GPC6: variants seen among roughly 807,000 people sequenced by gnomAD.
GPC6 encodes the protein glypican-6.
A neutral mutation model predicts 55.2 loss-of-function variants in GPC6; 14 were observed. The ratio of observed to expected loss-of-function variants is 0.25; its 90% CI spans 0.17 to 0.40. The LOEUF (loss-of-function observed/expected upper bound fraction) is 0.40. Ranked by LOEUF, GPC6 falls within the 10% of genes least tolerant of loss-of-function variation. GPC6 has a pLI of 1.00. For missense variants in GPC6, 641 were observed against 708.5 expected (o/e 0.90, Z 1.08); for synonymous variants, 278 against 259.6 (o/e 1.07, Z -0.68).
chr13:94,147,288 C>T (rs1425092675), intron 4 of GPC6, among the ~76,000 whole-genome samples: 2 of 152,058 alleles, frequency 1.3e-5, no homozygotes, highest in Non-Finnish European at 2.9e-5. Context: ...AAAGATTTTG[C>T]TTTTCCTGTC....
At chr13:93,398,563 G>C (rs1309014120) in intron 1 of GPC6, among the ~76,000 whole-genome samples, 2 of 152,156 alleles carry the variant, frequency 1.3e-5, no homozygotes, top group Non-Finnish European at 1.5e-5. Flanking sequence ...CAATAGCCAG[G>C]TGAGTGCAGG....
At chr13:93,469,226 T>C (rs1594191849) in intron 1 of GPC6, among the ~76,000 whole-genome samples, 1 of 152,310 alleles carries the variant, frequency 6.6e-6, no homozygotes, top group African/African-American at 2.4e-5. Context: ...TGAAATTCAA[T>C]AAAATTGTAT....
At chr13:93,753,064 A>G (rs1460920768) in intron 2 of GPC6, among the ~76,000 whole-genome samples, 1 of 152,198 alleles carries the variant, frequency 6.6e-6, no homozygotes, top group Non-Finnish European at 1.5e-5. Context: ...AGGGATATTA[A>G]GAGGGAGTTC....
chr13:93,822,764 A>G (rs1412705809), intron 2 of GPC6, among the ~76,000 whole-genome samples: 1 of 151,860 alleles, frequency 6.6e-6, no homozygotes, highest in Non-Finnish European at 1.5e-5. Flanking sequence ...TGTCCTGCAA[A>G]GAACATGAAC....
intron 2 of GPC6, among the ~76,000 whole-genome samples, chr13:93,829,647 T>C (rs1347808073): frequency 1.3e-5 from 2 of 152,196 alleles, no homozygotes; most frequent in Non-Finnish European, 2.9e-5. Context: ...TTGATTGCTA[T>C]ATATAGAAAC....
At chr13:93,276,565 A>G (rs1241425721) in intron 1 of GPC6, among the ~76,000 whole-genome samples, 2 of 148,480 alleles carry the variant, frequency 1.3e-5, no homozygotes, top group Non-Finnish European at 3.0e-5. Flanking sequence ...AATCCCTGTG[A>G]ATGGATGGAA....
intron 2 of GPC6, among the ~76,000 whole-genome samples, chr13:93,715,435 G>A (rs995817887): frequency 2.2e-4 from 34 of 151,394 alleles, no homozygotes; most frequent in Admixed American, 8.6e-4. Flanking sequence ...AAAGATGGCA[G>A]TAATAGAAAC....
chr13:93,981,341 A>G (rs1324675826), intron 3 of GPC6, among the ~76,000 whole-genome samples: 1 of 152,186 alleles, frequency 6.6e-6, no homozygotes, highest in East Asian at 1.9e-4. Flanking sequence ...AAAATACCTC[A>G]TATTTTTAAA....
At chr13:93,898,065 A>T (rs1159224513) in intron 3 of GPC6, among the ~76,000 whole-genome samples, 1 of 152,160 alleles carries the variant, frequency 6.6e-6, no homozygotes, top group Non-Finnish European at 1.5e-5. Flanking sequence ...ACTGTAATTT[A>T]AAACATACAG....
At chr13:93,844,128 C>T (rs561480712) in intron 3 of GPC6, among the ~76,000 whole-genome samples, 3 of 152,046 alleles carry the variant, frequency 2.0e-5, no homozygotes, top group African/African-American at 7.2e-5. Flanking sequence ...TATTGGCCAT[C>T]ATTTGGTGTA....
intron 1 of GPC6, among the ~76,000 whole-genome samples, chr13:93,463,262 C>T (rs1411992575): frequency 6.6e-6 from 1 of 151,912 alleles, no homozygotes; most frequent in Non-Finnish European, 1.5e-5. Context: ...AGTATTTGGC[C>T]CCTGCATGGG....
intron 4 of GPC6, among the ~76,000 whole-genome samples, chr13:94,097,506 C>CAA (rs869307863): frequency 0.011 from 763 of 69,158 alleles, 23 homozygotes; most frequent in African/African-American, 0.034. Context: ...GACTCTGTCT[C>CAA]AAAAAAAAAA....
intron 4 of GPC6, among the ~76,000 whole-genome samples, chr13:94,169,130 A>G (rs913831084): frequency 1.3e-5 from 2 of 152,240 alleles, no homozygotes; most frequent in African/African-American, 4.8e-5. Context: ...CCTTTTTGAC[A>G]AGCTTATTTA....
chr13:93,329,853 C>A (rs1382442330), intron 1 of GPC6, among the ~76,000 whole-genome samples: 8 of 151,038 alleles, frequency 5.3e-5, no homozygotes, highest in African/African-American at 1.7e-4. Flanking sequence ...AAAAAAAAAA[C>A]CCTTGTTGCA....
intron 1 of GPC6, among the ~76,000 whole-genome samples, chr13:93,533,764 T>A (rs1881952959): frequency 6.6e-6 from 1 of 152,136 alleles, no homozygotes; most frequent in African/African-American, 2.4e-5. Context: ...AACTATTTCT[T>A]CTTCTTGAAG....
intron 3 of GPC6, among the ~76,000 whole-genome samples, chr13:93,952,875 C>CAT (rs1403581435): frequency 1.0e-4 from 11 of 107,178 alleles, no homozygotes; most frequent in Non-Finnish European, 2.1e-4. Flanking sequence ...TATATATATA[C>CAT]ATATATATAT....
chr13:93,478,813 C>T (rs986930550), intron 1 of GPC6, among the ~76,000 whole-genome samples: 4 of 152,156 alleles, frequency 2.6e-5, no homozygotes, highest in Non-Finnish European at 4.4e-5. Context: ...AAACTACACA[C>T]CCAACCTATT....
chr13:94,186,415 C>T (rs1387129117), intron 4 of GPC6, among the ~76,000 whole-genome samples: 1 of 152,158 alleles, frequency 6.6e-6, no homozygotes, highest in African/African-American at 2.4e-5. Flanking sequence ...ATTGTCTTAC[C>T]TTTACCAAGA....
At chr13:93,681,179 G>C (rs1168507580) in intron 2 of GPC6, among the ~76,000 whole-genome samples, 1 of 152,034 alleles carries the variant, frequency 6.6e-6, no homozygotes, top group South Asian at 2.1e-4. Context: ...GAATAAAAAG[G>C]GATATTTAGC....
Sources: gnomAD v4.1 joint callset for allele counts (sites outside exome capture counted in the v4.1 genomes callset) on GRCh38, gnomAD v4.1.1 for gene constraint, MANE v1.5 for transcripts, NCBI Gene and HGNC (gene_info 2026-07-23, HGNC 2026-07-21) for gene names.